RANBP9: variants seen among roughly 807,000 people sequenced by gnomAD.
The protein encoded by RANBP9 is RAN binding protein 9, also known as ran-binding protein 9.
RANBP9 carries 15 observed loss-of-function variants against 84.3 expected under a neutral mutation model. That is an observed-to-expected ratio of 0.18 (90% CI 0.12 to 0.27). The LOEUF is 0.27. RANBP9 is among the 10% of genes least tolerant of loss of function. RANBP9 has a pLI of 1.00. For synonymous variants in RANBP9, 392 were observed against 349.6 expected, an observed-to-expected ratio of 1.12 and a Z score of -1.35; for missense variants, 809 against 912.8, an observed-to-expected ratio of 0.89 and a Z score of 1.46.
At chr6:13,634,619 C>T (rs1764890145) in intron 10 of RANBP9, 67 bp from the exon 11 acceptor site, 1 of 1,400,334 alleles carries the variant, frequency 7.1e-7, no homozygotes, top group Non-Finnish European at 9.7e-7. Context: ...AAATAAATCA[C>T]TACTGAACTA....
intron 1 of RANBP9, 127 bp from the exon 2 acceptor site, chr6:13,697,023 T>A: frequency 1.5e-6 from 1 of 662,438 alleles, no homozygotes. Flanking sequence ...TCAGTTCAAA[T>A]ACTCAATAAA....
At chr6:13,705,247 T>C (rs2113370005) in intron 1 of RANBP9, among the ~76,000 whole-genome samples, 1 of 151,210 alleles carries the variant, frequency 6.6e-6, no homozygotes, top group African/African-American at 2.4e-5. Context: ...CTACTAAATA[T>C]ACAAAAATTA....
chr6:13,674,936 G>C (rs149020445), intron 2 of RANBP9, among the ~76,000 whole-genome samples: 2 of 152,302 alleles, frequency 1.3e-5, no homozygotes, highest in African/African-American at 4.8e-5. Context: ...AACTGTCTCA[G>C]TGACAGTCTC....
chr6:13,651,484 T>G (rs1445760250), intron 5 of RANBP9, among the ~76,000 whole-genome samples: 1 of 151,832 alleles, frequency 6.6e-6, no homozygotes, highest in Admixed American at 6.6e-5. Flanking sequence ...AAGCTCCGCC[T>G]CCTGGGTTCA....
In RANBP9 at chr6:13,711,713, G is replaced by A. The variant is rs1401764097; in HGVS notation, c.-208C>T. ...GCGGCGGGCCCGGGAGGCCGGGAGAGAACGTTGGCCGGAGCGCGGGCGCGC... is the reference window on the plus strand; with the variant it reads ...GCGGCGGGCCCGGGAGGCCGGGAGAAAACGTTGGCCGGAGCGCGGGCGCGC... On this transcript the variant is annotated 5_prime_UTR_variant, in exon 1 of 14. Coordinates refer to ENST00000011619, the MANE Select transcript of RANBP9 (RefSeq NM_005493.3). The A allele has an allele frequency of 3.2e-6, 1 of 310,250 alleles. No individual in the cohort carries two copies. Among genetic ancestry groups the A allele is most frequent in the East Asian group, 6.2e-5 (1 of 16,218 alleles). 19.2% of individuals were successfully genotyped at this position (310,250 alleles called of 1,614,324 possible).
At chr6:13,667,574 T>A (rs1207223979) in intron 2 of RANBP9, among the ~76,000 whole-genome samples, 1 of 152,218 alleles carries the variant, frequency 6.6e-6, no homozygotes, top group African/African-American at 2.4e-5. Context: ...TCTATACAAG[T>A]GTGCCATTTT....
intron 1 of RANBP9, among the ~76,000 whole-genome samples, chr6:13,700,959 A>G (rs1246982632): frequency 6.6e-6 from 1 of 152,226 alleles, no homozygotes; most frequent in Non-Finnish European, 1.5e-5. Context: ...ATGGTTTTCC[A>G]GCCACGCATT....
rs948924770 is a variant in RANBP9, at chr6:13,711,648, G to A, written c.-143C>T. ...GCAGGCGGCGGGCCGCGCGCCCAGGGAGACCGCGGCGGTTGAGGAGCTCGG... is the reference window on the plus strand; with the variant it reads ...GCAGGCGGCGGGCCGCGCGCCCAGGAAGACCGCGGCGGTTGAGGAGCTCGG... On this transcript the variant is annotated 5_prime_UTR_variant, in exon 1 of 14. Coordinates refer to ENST00000011619, the MANE Select transcript of RANBP9 (RefSeq NM_005493.3). The A allele has an allele frequency of 1.9e-5, 14 of 725,490 alleles. No individual in the cohort carries two copies. The highest frequency in any genetic ancestry group is 1.4e-4 in the Admixed American group (3 of 20,850). 44.9% of individuals were successfully genotyped at this position (725,490 alleles called of 1,614,324 possible). A position where few individuals can be genotyped will look rare whatever the true frequency, so the allele number is the denominator to read the frequency against.
chr6:13,628,722 A>G (rs559712338), intron 12 of RANBP9, among the ~76,000 whole-genome samples: 5 of 152,362 alleles, frequency 3.3e-5, no homozygotes, highest in Middle Eastern at 6.8e-3. Context: ...TGGCAAAACA[A>G]TACTAATGGT....
At chr6:13,694,319 A>G (rs542935045) in intron 2 of RANBP9, among the ~76,000 whole-genome samples, 70 of 152,356 alleles carry the variant, frequency 4.6e-4, no homozygotes, top group Non-Finnish European at 9.6e-4. Context: ...ACAAAATTAG[A>G]TTTAAAAGGA....
chr6:13,642,356 G>C (rs1056708005), intron 7 of RANBP9, 123 bp downstream of exon 7: 2 of 369,950 alleles, frequency 5.4e-6, no homozygotes, highest in South Asian at 1.7e-4. Context: ...AAATTCAGAG[G>C]CATCCATTTT....
At chr6:13,686,503 T>A (rs1336676131) in intron 2 of RANBP9, among the ~76,000 whole-genome samples, 1 of 151,920 alleles carries the variant, frequency 6.6e-6, no homozygotes, top group East Asian at 1.9e-4. Flanking sequence ...CAGGCTGGTC[T>A]CGAACTCCTG....
At chr6:13,663,472 GTATTGTGT>G (rs1209965318) in intron 2 of RANBP9, among the ~76,000 whole-genome samples, 2 of 152,112 alleles carry the variant, frequency 1.3e-5, no homozygotes, top group Non-Finnish European at 2.9e-5. Context: ...ATGGTAACAT[GTATTGTGT>G]AGTTTATAAC....
intron 2 of RANBP9, among the ~76,000 whole-genome samples, chr6:13,662,717 G>T (rs1378017353): frequency 6.6e-6 from 1 of 152,180 alleles, no homozygotes; most frequent in Non-Finnish European, 1.5e-5. Context: ...CCAGAACTGT[G>T]AGCAATAAAT....
Position 13,625,653 on chromosome 6 carries a change from C to CATT in RANBP9, c.2058_2059insAAT (p.Leu686_Glu687insAsn). The stretch of plus-strand genomic sequence containing the variant: ...TTGTGCCTTATTTGGCTTTACTTAC[C>CATT]TAATATTGCACTGTTAAGAGCTGAG... On this transcript the variant is annotated inframe_insertion and splice_region_variant, in exon 13 of 14. Transcript: ENST00000011619. 1 of 1,593,348 alleles carries CATT rather than the reference C, an allele frequency of 6.3e-7. No individual in the cohort carries two copies. The highest frequency in any genetic ancestry group is 1.1e-5 in the South Asian group (1 of 90,352).
rs575679090 is a variant in RANBP9 at position 13,648,375 on chromosome 6, T to C, written c.928-3646A>G. 9.9e-5 allele frequency among the ~76,000 whole-genome samples: 15 copies of C among 152,236 alleles called. No homozygotes were observed. The South Asian group carries it at 1.7e-3, about 17-fold the overall frequency. On this transcript the variant is annotated intron_variant, in intron 5 of 13. Transcript: ENST00000011619. ...GTTGGCCAGGATAGTCTTGATCTCT[T>C]GATCCGCCCGCCTTGGCCTCCCAAA... is the stretch of plus-strand genomic sequence containing the variant.
chr6:13,628,420 T>C (rs1262635609), intron 12 of RANBP9, among the ~76,000 whole-genome samples: 2 of 152,092 alleles, frequency 1.3e-5, no homozygotes, highest in East Asian at 1.9e-4. Context: ...AAAAGCATGG[T>C]TGGAAACATG....
intron 4 of RANBP9, among the ~76,000 whole-genome samples, 181 bp from the exon 5 acceptor site, chr6:13,652,862 C>T (rs142044338): frequency 2.0e-5 from 3 of 152,206 alleles, no homozygotes; most frequent in African/African-American, 7.2e-5. Flanking sequence ...AGTGAACAAA[C>T]GCTGTCCCCT....
intron 7 of RANBP9, 132 bp from the exon 8 acceptor site, chr6:13,641,439 C>A: frequency 1.7e-6 from 1 of 597,048 alleles, no homozygotes; most frequent in East Asian, 3.3e-5. Flanking sequence ...CTTTCTCTAA[C>A]ATCATAGTTT....
Sources: allele counts gnomAD v4.1 joint callset (sites outside exome capture counted in the v4.1 genomes callset), GRCh38; gene constraint gnomAD v4.1.1; transcripts MANE v1.5; gene names NCBI Gene and HGNC (gene_info 2026-07-23, HGNC 2026-07-21).